SPPL2B: variants seen among roughly 807,000 people sequenced by gnomAD.
SPPL2B encodes the protein signal peptide peptidase-like 2B.
A neutral mutation model predicts 59.7 loss-of-function variants in SPPL2B; 39 were observed. The observed-to-expected ratio is 0.65, with a 90% confidence interval of 0.51 to 0.85. The LOEUF (loss-of-function observed/expected upper bound fraction) is 0.85. Among genes scored for constraint, SPPL2B ranks in the 40% least tolerant of loss-of-function variants. The probability of loss-of-function intolerance (pLI) is 0.00; values close to 1 mark genes in which losing one functional copy is unlikely to be tolerated. For missense variants in SPPL2B, 865 were observed against 849.0 expected, an observed-to-expected ratio of 1.02 and a Z score of -0.23; for synonymous variants, 419 against 370.8, an observed-to-expected ratio of 1.13 and a Z score of -1.49.
At chr19:2,337,420 A>G (rs1005016545) in intron 2 of SPPL2B, 23 bp from the exon 3 acceptor site, 8 of 1,574,462 alleles carry the variant, frequency 5.1e-6, no homozygotes, top group South Asian at 3.5e-5. Context: ...ACGTGAGACA[A>G]CACTGTGCCC....
intron 2 of SPPL2B, among the ~76,000 whole-genome samples, chr19:2,336,125 CGT>C (rs1179734854): frequency 4.6e-5 from 7 of 151,888 alleles, no homozygotes; most frequent in African/African-American, 1.5e-4. Flanking sequence ...TGCCTTAGTG[CGT>C]GTTTGTGTGT....
intron 8 of SPPL2B, chr19:2,341,916 C>T (rs919184811): frequency 8.0e-5 from 18 of 224,770 alleles, no homozygotes; most frequent in Non-Finnish European, 1.4e-4. Context: ...GGGCAACAAG[C>T]GAGACGCCCT....
rs530488313 is a variant in SPPL2B at position 2,339,843 on chromosome 19, C to T, written c.619C>T (p.Arg207Cys). The T allele has an allele frequency of 5.9e-5, 94 of 1,606,716 alleles. 3 individuals are homozygous for T. In the South Asian group the frequency reaches 8.4e-4, roughly 14 times the overall value. Residue 207 changes from arginine (R) to cysteine (C), a missense_variant, in exon 6 of 15, where the codon CGC becomes TGC. Physicochemically the swap from Arg to Cys is radical, Grantham distance 180 (BLOSUM62 -3). Coordinates refer to ENST00000613503, the MANE Select transcript of SPPL2B (RefSeq NM_152988.3). ...CCCAAGAAGGTACATGAAGCACAAG[C>T]GCGACGATGGGCCCGAGAAGCAGGA... ...DVKKRYMKHK[R>C]DDGPEKQEDE...
chr19:2,353,425 T>A lies in SPPL2B; in HGVS notation c.*216T>A, dbSNP rs997133323. On this transcript the variant is annotated 3_prime_UTR_variant, in exon 15 of 15. Transcript: ENST00000613503. ...CGGCTGCACGCCTGCTGCTCCCAGC[T>A]CGCCCGGCTGCCACAAGCTCTCTGC... The A allele has an allele frequency of 3.4e-6, 2 of 596,724 alleles. No individual in the cohort carries two copies. The highest frequency in any genetic ancestry group is 6.6e-5 in the Admixed American group (2 of 30,084). 37.0% of individuals were successfully genotyped at this position (596,724 alleles called of 1,614,324 possible). A position where few individuals can be genotyped will look rare whatever the true frequency, so the allele number is the denominator to read the frequency against.
At chr19:2,344,487 G>T (rs373674062) in intron 11 of SPPL2B, 63 bp downstream of exon 11, 1 of 1,567,592 alleles carries the variant, frequency 6.4e-7, no homozygotes, top group Non-Finnish European at 8.7e-7. Flanking sequence ...GGAGCGGATA[G>T]GGCTCGAGGC....
chr19:2,331,538 C>T (rs997852477), intron 1 of SPPL2B, among the ~76,000 whole-genome samples: 5 of 151,992 alleles, frequency 3.3e-5, no homozygotes, highest in Admixed American at 2.0e-4. Context: ...GGTGAGATGC[C>T]GCGTTCTCTG....
intron 13 of SPPL2B, among the ~76,000 whole-genome samples, chr19:2,346,992 A>G (rs75183089): frequency 6.6e-6 from 1 of 152,086 alleles, no homozygotes; most frequent in African/African-American, 2.4e-5. Flanking sequence ...GCAAATAATT[A>G]ATTTTCTCAG....
chr19:2,343,178 C>T, intron 8 of SPPL2B, 33 bp from the exon 9 acceptor site: 1 of 1,543,418 alleles, frequency 6.5e-7, no homozygotes, highest in Middle Eastern at 1.8e-4. Context: ...CAGCCAGCCT[C>T]TGCCCCGGCG....
chr19:2,352,315 G>A (rs2145213690), intron 14 of SPPL2B, among the ~76,000 whole-genome samples: 1 of 152,308 alleles, frequency 6.6e-6, no homozygotes, highest in East Asian at 1.9e-4. Context: ...GAGCAGCCCT[G>A]CGCCATAGGG....
chr19:2,353,190 A>T lies in SPPL2B; in HGVS notation c.1760A>T (p.Gln587Leu), dbSNP rs1970029110. ...RDQAQPSPVT[Q>L]PGASA is the part of the protein sequence containing the mutation. ...CAGGCCCAGCCGTCCCCGGTAACCC[A>T]GCCTGGCGCCTCGGCCTAGGGGAGG... Residue 587 changes from glutamine (Q) to leucine (L), a missense_variant, in exon 15 of 15, where the codon CAG becomes CTG. Transcript: ENST00000613503. 6.2e-7 allele frequency: 1 copy of T among 1,604,244 alleles called. No individual in the cohort carries two copies.
intron 13 of SPPL2B, among the ~76,000 whole-genome samples, chr19:2,346,836 G>A (rs922938614): frequency 2.0e-5 from 3 of 152,180 alleles, no homozygotes; most frequent in Admixed American, 2.0e-4. Context: ...GTTGATGATG[G>A]CTGATGGACA....
At chr19:2,345,800 C>T (rs980426809) in intron 13 of SPPL2B, among the ~76,000 whole-genome samples, 4 of 149,180 alleles carry the variant, frequency 2.7e-5, no homozygotes, top group Admixed American at 1.3e-4. Flanking sequence ...CCTCCATCCC[C>T]GTCTTTCTCA....
chr19:2,353,104 G>C lies in SPPL2B; in HGVS notation c.1674G>C (p.Glu558Asp). ...CCCCAAAATCACGCACGTCCGAGGA[G>C]ATGGGGGCTGGAGCCCCCATGCGGG... is the stretch of plus-strand genomic sequence containing the variant. ...EQSPKSRTSE[E>D]MGAGAPMREP... Residue 558 changes from glutamate to aspartate, a missense_variant, in exon 15 of 15, where the codon GAG becomes GAC. By Grantham distance (45) the Glu-to-Asp change is conservative. Coordinates refer to ENST00000613503, the MANE Select transcript of SPPL2B (RefSeq NM_152988.3). 1.2e-6 allele frequency: 2 copies of C among 1,611,176 alleles called. No homozygotes were observed. The highest frequency in any genetic ancestry group is 1.3e-5 in the African/African-American group (1 of 74,962).
Position 2,329,473 on chromosome 19 carries a change from T to C in SPPL2B, c.66+698T>C, listed in dbSNP as rs187873296. ...TGATGTAAAGAGTGTCAGGTTCTAGTGGGGACAGTCTACGAGATCGCACTG... is the reference window on the plus strand; with the variant it reads ...TGATGTAAAGAGTGTCAGGTTCTAGCGGGGACAGTCTACGAGATCGCACTG... On this transcript the variant is annotated intron_variant, in intron 1 of 14. Coordinates refer to ENST00000613503, the MANE Select transcript of SPPL2B (RefSeq NM_152988.3). 2.1e-3 allele frequency among the ~76,000 whole-genome samples: 322 copies of C among 152,270 alleles called. 4 individuals are homozygous for C. The highest frequency in any genetic ancestry group is 6.8e-3 in the African/African-American group (284 of 41,540).
chr19:2,340,779 G>A, intron 7 of SPPL2B, 119 bp from the exon 8 acceptor site: 4 of 624,416 alleles, frequency 6.4e-6, no homozygotes, highest in Non-Finnish European at 5.6e-6. Context: ...GTTTAATGAG[G>A]ACAACAGAGT....
Position 2,351,452 on chromosome 19 carries a change from T to C in SPPL2B, c.1373T>C (p.Leu458Pro). The C allele has an allele frequency of 6.2e-7, 1 of 1,607,854 alleles. No homozygotes were observed. Residue 458 changes from leucine to proline, a missense_variant, in exon 14 of 15, where the codon CTT (leucine) becomes CCT (proline). Physicochemically the swap from Leu to Pro is moderately conservative, Grantham distance 98. Transcript: ENST00000613503. ...ACTIAYGVGL[L>P]VTFVALALMQ... ...CCCACAGCCTATGGCGTTGGCCTCC[T>C]TGTGACATTCGTGGCACTGGCCCTG...
At chr19:2,345,402 C>T in intron 13 of SPPL2B, 72 bp downstream of exon 13, 1 of 1,312,282 alleles carries the variant, frequency 7.6e-7, no homozygotes, top group East Asian at 2.3e-5. Context: ...TCTGTCCTGA[C>T]CCTGACCCCT....
intron 8 of SPPL2B, 95 bp downstream of exon 8, chr19:2,341,109 GC>G: frequency 2.4e-6 from 2 of 827,698 alleles, no homozygotes; most frequent in Non-Finnish European, 4.0e-6. Context: ...CCTGGAGGCC[GC>G]CCCAGCCTGG....
rs540761479 is a variant in SPPL2B at position 2,346,233 on chromosome 19, C to A, written c.1354+903C>A. On this transcript the variant is annotated intron_variant, in intron 13 of 14. Coordinates refer to ENST00000613503, the MANE Select transcript of SPPL2B (RefSeq NM_152988.3). The stretch of plus-strand genomic sequence containing the variant: ...CGAGCCACGCCCCCGACCCTGCCCT[C>A]CACGTGGCTCCCTAAACGGCCACTC... Among the ~76,000 whole-genome samples, 5 of 152,390 alleles carry A rather than the reference C, an allele frequency of 3.3e-5. No homozygotes were observed. In the South Asian group the frequency reaches 1.0e-3, roughly 32 times the overall value.
Sources: gnomAD v4.1 joint callset for allele counts (sites outside exome capture counted in the v4.1 genomes callset) on GRCh38, gnomAD v4.1.1 for gene constraint, MANE v1.5 for transcripts, NCBI Gene and HGNC (gene_info 2026-07-23, HGNC 2026-07-21) for gene names.